The following GRM3 variants were observed in gnomAD, a reference collection of about 807,000 sequenced individuals.
GRM3 encodes metabotropic glutamate receptor 3.
In GRM3, 26 loss-of-function variants were observed where a neutral mutation model predicts 70.5. That is an observed-to-expected ratio of 0.37 (90% CI 0.27 to 0.51). The LOEUF (loss-of-function observed/expected upper bound fraction) is 0.51, where lower values mean the gene tolerates loss of function less well. GRM3 is among the 20% of genes least tolerant of loss of function. The pLI is 0.93. For missense variants in GRM3, 859 were observed against 1,123.8 expected (o/e 0.76, Z 3.37); for synonymous variants, 443 against 434.9 (o/e 1.02, Z -0.23).
chr7:86,758,721 T>C (rs1309541140), intron 1 of GRM3, among the ~76,000 whole-genome samples: 1 of 152,144 alleles, frequency 6.6e-6, no homozygotes, highest in East Asian at 1.9e-4. Context: ...AAAATCATTT[T>C]CCTCTAAATT....
At chr7:86,728,605 C>T (rs928053503) in intron 1 of GRM3, among the ~76,000 whole-genome samples, 6 of 152,162 alleles carry the variant, frequency 3.9e-5, no homozygotes, top group Non-Finnish European at 7.4e-5. Flanking sequence ...AGTAACTGCC[C>T]TTCACCTCAT....
chr7:86,827,698 G>C (rs989721775), intron 3 of GRM3, among the ~76,000 whole-genome samples: 3 of 152,082 alleles, frequency 2.0e-5, no homozygotes, highest in Non-Finnish European at 4.4e-5. Flanking sequence ...ATTTTTAGTA[G>C]AGAAGAAGTT....
intron 4 of GRM3, among the ~76,000 whole-genome samples, chr7:86,841,530 A>G (rs927369820): frequency 6.6e-6 from 1 of 152,068 alleles, no homozygotes; most frequent in African/African-American, 2.4e-5. Context: ...ATCTAGTCCC[A>G]TATATCTGTA....
intron 1 of GRM3, among the ~76,000 whole-genome samples, chr7:86,745,855 G>T (rs1020747831): frequency 2.6e-5 from 4 of 152,018 alleles, no homozygotes; most frequent in Admixed American, 2.0e-4. Flanking sequence ...GATTAAACGA[G>T]CTCACTGAGG....
intron 1 of GRM3, among the ~76,000 whole-genome samples, chr7:86,693,461 A>T (rs1171904862): frequency 6.6e-6 from 1 of 152,186 alleles, no homozygotes; most frequent in African/African-American, 2.4e-5. Context: ...TGCAGAAACA[A>T]AGACACATGG....
chr7:86,699,861 T>C (rs537876381), intron 1 of GRM3, among the ~76,000 whole-genome samples: 5 of 152,108 alleles, frequency 3.3e-5, no homozygotes, highest in African/African-American at 1.2e-4. Flanking sequence ...CTTGTTATTA[T>C]CACTATCCTT....
chr7:86,795,695 A>T (rs187370077), intron 3 of GRM3, among the ~76,000 whole-genome samples: 1 of 152,128 alleles, frequency 6.6e-6, no homozygotes, highest in Non-Finnish European at 1.5e-5. Context: ...GGTTGGTTCC[A>T]TGTCTTTGCT....
intron 1 of GRM3, among the ~76,000 whole-genome samples, chr7:86,682,460 T>G (rs1272926637): frequency 2.6e-5 from 4 of 152,146 alleles, no homozygotes; most frequent in African/African-American, 9.7e-5. Flanking sequence ...ACTAGATTCA[T>G]GTTAGAGCAT....
chr7:86,698,037 A>G (rs377596228), intron 1 of GRM3, among the ~76,000 whole-genome samples: 1 of 152,180 alleles, frequency 6.6e-6, no homozygotes. Flanking sequence ...TATTAAATAG[A>G]AAACAGTCTG....
At chr7:86,776,762 C>A (rs1442676595) in intron 2 of GRM3, among the ~76,000 whole-genome samples, 2 of 152,156 alleles carry the variant, frequency 1.3e-5, no homozygotes, top group Middle Eastern at 3.2e-3. Context: ...ATCTGAGGTA[C>A]TAAACGATGT....
chr7:86,765,535 A>G lies in GRM3; in HGVS notation c.390A>G (p.Gly130=), dbSNP rs1286049391. ...AAGCTGAGTATATGTGTCCTGATGG[A>G]TCCTATGCCATTCAAGAAAACATCC... is the stretch of plus-strand genomic sequence containing the variant. ...VDEAEYMCPD[G]SYAIQENIPL... is the part of the protein sequence containing the mutation. Residue 130 remains glycine, a synonymous_variant, in exon 2 of 6, where the codon GGA becomes GGG. Coordinates refer to ENST00000361669, the MANE Select transcript of GRM3 (RefSeq NM_000840.3). 1.2e-6 allele frequency: 2 copies of G among 1,613,620 alleles called. No individual in the cohort carries two copies. Among genetic ancestry groups the G allele is most frequent in the African/African-American group, 2.7e-5 (2 of 74,878 alleles).
intron 1 of GRM3, among the ~76,000 whole-genome samples, chr7:86,717,554 A>G (rs1424853656): frequency 6.6e-6 from 1 of 151,986 alleles, no homozygotes; most frequent in Non-Finnish European, 1.5e-5. Context: ...GGTATTCTGA[A>G]GCTTATATTG....
In GRM3 at chr7:86,694,464, A is replaced by T. The variant is rs147820955; in HGVS notation, c.-141+49592A>T. The stretch of plus-strand genomic sequence containing the variant: ...GAAGTGGGGCTTGCAGTTAGCCGAG[A>T]TGGCACCACTGCACTCCAGCCTGGG... On this transcript the variant is annotated intron_variant, in intron 1 of 5. Coordinates refer to ENST00000361669, the MANE Select transcript of GRM3 (RefSeq NM_000840.3). Among the ~76,000 whole-genome samples, 514 of 143,550 alleles carry T rather than the reference A, an allele frequency of 3.6e-3. 4 individuals carry two copies. Among genetic ancestry groups the T allele is most frequent in the African/African-American group, 0.012 (488 of 39,368 alleles). 94.2% of individuals were successfully genotyped at this position (143,550 alleles called of 152,430 possible).
chr7:86,853,188 A>C (rs779566980), intron 5 of GRM3, among the ~76,000 whole-genome samples: 3 of 152,196 alleles, frequency 2.0e-5, no homozygotes, highest in Non-Finnish European at 4.4e-5. Context: ...AAAGAAAAAA[A>C]CAGAAAATCT....
At chr7:86,760,571 C>T (rs552872197) in intron 1 of GRM3, among the ~76,000 whole-genome samples, 1 of 152,098 alleles carries the variant, frequency 6.6e-6, no homozygotes, top group African/African-American at 2.4e-5. Context: ...TGGTTGGTGC[C>T]CTTTCACACA....
chr7:86,810,871 A>T lies in GRM3; in HGVS notation c.1324+23755A>T, dbSNP rs529589987. 2.5e-4 allele frequency among the ~76,000 whole-genome samples: 38 copies of T among 152,132 alleles called. 2 individuals are homozygous for T. In the South Asian group the frequency reaches 7.0e-3, roughly 28 times the overall value. On this transcript the variant is annotated intron_variant, in intron 3 of 5. Coordinates refer to ENST00000361669, the MANE Select transcript of GRM3 (RefSeq NM_000840.3). ...AGACATATCTACATACACACATTGC[A>T]TACAAATATACCCAATAAAATAAAT...
intron 1 of GRM3, among the ~76,000 whole-genome samples, chr7:86,659,579 G>A (rs1227083334): frequency 6.6e-6 from 1 of 152,070 alleles, no homozygotes; most frequent in East Asian, 1.9e-4. Flanking sequence ...GCAAAAAACA[G>A]TTGGAATAAC....
chr7:86,647,085 A>G (rs1260090963), intron 1 of GRM3, among the ~76,000 whole-genome samples: 1 of 152,226 alleles, frequency 6.6e-6, no homozygotes, highest in East Asian at 1.9e-4. Flanking sequence ...GAATAAAAGA[A>G]TGGGGATAAT....
intron 3 of GRM3, among the ~76,000 whole-genome samples, chr7:86,795,200 C>G (rs36165845): frequency 0.16 from 23,620 of 151,626 alleles, 1,989 homozygotes; most frequent in Middle Eastern, 0.27. Context: ...GGGGTTAACA[C>G]ATACAGAACC....
Sources: gnomAD v4.1 joint callset for allele counts (sites outside exome capture counted in the v4.1 genomes callset) on GRCh38, gnomAD v4.1.1 for gene constraint, MANE v1.5 for transcripts, NCBI Gene and HGNC (gene_info 2026-07-23, HGNC 2026-07-21) for gene names.